Variants in SRSF6 observed in about 807,000 individuals in gnomAD.
SRSF6 encodes serine and arginine rich splicing factor 6, also known as serine/arginine-rich splicing factor 6.
A neutral mutation model predicts 42.0 loss-of-function variants in SRSF6; 17 were observed. The observed-to-expected ratio is 0.40, with a 90% CI of 0.28 to 0.61. The LOEUF is 0.61. Among genes scored for constraint, SRSF6 ranks in the 20% least tolerant of loss-of-function variants. The pLI, the probability that SRSF6 is intolerant of heterozygous loss-of-function variation, is 0.37. For missense variants in SRSF6, 379 were observed against 471.4 expected, an observed-to-expected ratio of 0.80 and a Z score of 1.81; for synonymous variants, 204 against 166.7, an observed-to-expected ratio of 1.22 and a Z score of -1.72.
At chr20:43,460,453 A>G (rs1199447683) in intron 4 of SRSF6, 62 bp from the exon 5 acceptor site, 1 of 1,557,024 alleles carries the variant, frequency 6.4e-7, no homozygotes, top group African/African-American at 1.4e-5. Flanking sequence ...TATTTTTGCC[A>G]GATGGCACGG....
chr20:43,458,994 A>T (rs986926704), intron 2 of SRSF6, among the ~76,000 whole-genome samples: 20 of 152,318 alleles, frequency 1.3e-4, no homozygotes, highest in African/African-American at 4.8e-4. Flanking sequence ...TGTACCACAA[A>T]GTAGATCTAA....
Position 43,461,820 on chromosome 20 carries a change from G to A in SRSF6, c.*757G>A, listed in dbSNP as rs1004562739. 2 of 152,538 alleles carry A rather than the reference G, an allele frequency of 1.3e-5. No individual in the cohort carries two copies. Among genetic ancestry groups the A allele is most frequent in the African/African-American group, 4.8e-5 (2 of 41,444 alleles). 9.4% of individuals were successfully genotyped at this position (152,538 alleles called of 1,614,324 possible). ...GCTTAAATTAATACTTTTAAGTAAT[G>A]GAACTTTTTTCAAAGGCAAATTTAA... is the stretch of plus-strand genomic sequence containing the variant. On this transcript the variant is annotated 3_prime_UTR_variant, in exon 6 of 6. Transcript: ENST00000244020.
At chr20:43,460,636 G>A (rs963674067) in intron 5 of SRSF6, 38 bp downstream of exon 5, 45 of 1,613,416 alleles carry the variant, frequency 2.8e-5, no homozygotes, top group South Asian at 5.5e-5. Flanking sequence ...GAATATTACC[G>A]TACTTGTTTA....
chr20:43,460,484 G>A (rs745974443), intron 4 of SRSF6, 31 bp from the exon 5 acceptor site: 2 of 1,608,238 alleles, frequency 1.2e-6, no homozygotes, highest in Non-Finnish European at 1.7e-6. Context: ...GTTGGATTGG[G>A]ATTAAGACTT....
rs1360375724 is a variant in SRSF6, at chr20:43,463,842, G to C, written c.*2779G>C. 1 of 152,232 alleles carries C rather than the reference G, an allele frequency of 6.6e-6. No individual in the cohort carries two copies. Among genetic ancestry groups the C allele is most frequent in the Non-Finnish European group, 1.5e-5 (1 of 68,052 alleles). The allele number at this position is 152,232 out of a possible 1,614,324, so 9.4% of individuals were successfully genotyped here. ...ACTAGGGATAAAACATGCATGGGAT[G>C]TGAAGATTAAAAGTCAAGAATATGA... is the stretch of plus-strand genomic sequence containing the variant. On this transcript the variant is annotated 3_prime_UTR_variant, in exon 6 of 6. Transcript: ENST00000244020.
Position 43,457,926 on chromosome 20 carries a change from G to C in SRSF6, c.-108G>C. 2 of 919,700 alleles carry C rather than the reference G, an allele frequency of 2.2e-6. No individual in the cohort carries two copies. Among genetic ancestry groups the C allele is most frequent in the South Asian group, 2.9e-5 (2 of 68,054 alleles). The allele number at this position is 919,700 out of a possible 1,614,324, so 57.0% of individuals were successfully genotyped here. On this transcript the variant is annotated 5_prime_UTR_variant, in exon 1 of 6. Transcript: ENST00000244020. ...GTGGCTGGACTCGGCCGCCCCTGTG[G>C]TGTGAGGCGCGTGTTCGGGCTCTTG...
intron 2 of SRSF6, among the ~76,000 whole-genome samples, chr20:43,458,747 G>GC (rs1288389077): frequency 2.0e-5 from 3 of 152,168 alleles, no homozygotes; most frequent in Non-Finnish European, 4.4e-5. Context: ...GCTTCTTCTG[G>GC]CCCCTTGTCA....
chr20:43,460,056 A>G lies in SRSF6; in HGVS notation c.405A>G (p.Glu135=). 6.2e-7 allele frequency: 1 copy of G among 1,614,266 alleles called. No homozygotes were observed. The highest frequency in any genetic ancestry group is 8.5e-7 in the Non-Finnish European group (1 of 1,180,054). The change falls in exon 4 of 6, where the codon GAA becomes GAG. Residue 135 remains glutamate (E), a synonymous_variant. Transcript: ENST00000244020. ...AGGATTTTATGCGACAAGCAGGTGA[A>G]GTAACCTATGCGGATGCCCACAAGG... ...DLKDFMRQAG[E]VTYADAHKER...
At position 43,462,003 on chromosome 20, in the gene SRSF6, TTC is replaced by T. The variant is rs2017609373; in HGVS notation, c.*941_*942del. 6.6e-6 allele frequency: 1 copy of T among 152,228 alleles called. No individual in the cohort carries two copies. Among genetic ancestry groups the T allele is most frequent in the Non-Finnish European group, 1.5e-5 (1 of 68,032 alleles). 9.4% of individuals were successfully genotyped at this position (152,228 alleles called of 1,614,324 possible). A position where few individuals can be genotyped will look rare whatever the true frequency, so the allele number is the denominator to read the frequency against. On this transcript the variant is annotated 3_prime_UTR_variant, in exon 6 of 6. Coordinates refer to ENST00000244020, the MANE Select transcript of SRSF6 (RefSeq NM_006275.6). ...TCTTTTTGTTCTGAAATTGAGTTTA[TTC>T]AAAGTGTAAAAGCACATACTGCATT...
rs57110045 is a variant in SRSF6 at position 43,461,337 on chromosome 20, G to GTTTTTTTTTTTTTTTTT, written c.*295_*311dup. ...GTAAAGATTAAGCTCATTTAGTGTTGTTTTTTTTTTTTTTTTTTTTTTTTT... is the reference window on the plus strand; with the variant it reads ...GTAAAGATTAAGCTCATTTAGTGTTGTTTTTTTTTTTTTTTTTTTTTTTTTTTTTTTTTTTTTTTTTT... On this transcript the variant is annotated 3_prime_UTR_variant, in exon 6 of 6. Transcript: ENST00000244020. 2.1e-3 allele frequency: 91 copies of GTTTTTTTTTTTTTTTTT among 43,824 alleles called. 13 individuals are homozygous for GTTTTTTTTTTTTTTTTT. The highest frequency in any genetic ancestry group is 4.2e-3 in the African/African-American group (51 of 12,236). 2.7% of individuals were successfully genotyped at this position (43,824 alleles called of 1,614,324 possible).
At position 43,462,812 on chromosome 20, in the gene SRSF6, T is replaced by C. The variant is rs532672292; in HGVS notation, c.*1749T>C. 1.3e-5 allele frequency: 2 copies of C among 152,728 alleles called. No individual in the cohort carries two copies. Among genetic ancestry groups the C allele is most frequent in the South Asian group, 4.1e-4 (2 of 4,830 alleles). 9.5% of individuals were successfully genotyped at this position (152,728 alleles called of 1,614,324 possible). A position where few individuals can be genotyped will look rare whatever the true frequency, so the allele number is the denominator to read the frequency against. Reference sequence around the variant, plus strand: ...TCTTCCATTATCTTATTTTCTTTGATACTTTATTTAATTAGATGTTTATAA... The same window carrying C: ...TCTTCCATTATCTTATTTTCTTTGACACTTTATTTAATTAGATGTTTATAA... On this transcript the variant is annotated 3_prime_UTR_variant, in exon 6 of 6. Coordinates refer to ENST00000244020, the MANE Select transcript of SRSF6 (RefSeq NM_006275.6).
At position 43,463,793 on chromosome 20, in the gene SRSF6, CTG is replaced by C. The variant is rs1413967114; in HGVS notation, c.*2733_*2734del. On this transcript the variant is annotated 3_prime_UTR_variant, in exon 6 of 6. Transcript: ENST00000244020. The stretch of plus-strand genomic sequence containing the variant: ...TTTATGTTGGGCAACTCATTAATCA[CTG>C]TGCTTCAGTGTCATCCATGAAACTA... 9 of 152,206 alleles carry C rather than the reference CTG, an allele frequency of 5.9e-5. No individual in the cohort carries two copies. Among genetic ancestry groups the C allele is most frequent in the Admixed American group, 3.3e-4 (5 of 15,278 alleles). 9.4% of individuals were successfully genotyped at this position (152,206 alleles called of 1,614,324 possible).
At position 43,459,559 on chromosome 20, in the gene SRSF6, A is replaced by G. The variant is rs576155715; in HGVS notation, c.257-212A>G. The G allele has an allele frequency of 2.0e-5, 26 of 1,301,900 alleles. No homozygotes were observed. The South Asian group carries it at 4.0e-4, about 20-fold the overall frequency. The allele number at this position is 1,301,900 out of a possible 1,614,324, so 80.6% of individuals were successfully genotyped here. On this transcript the variant is annotated intron_variant, in intron 2 of 5. Coordinates refer to ENST00000244020, the MANE Select transcript of SRSF6 (RefSeq NM_006275.6). Reference sequence around the variant, plus strand: ...CGAATAAAGGAGCAGTCACTCTCTAACAGATTGTAGGAGAGGTTTAGTTGG... The same window carrying G: ...CGAATAAAGGAGCAGTCACTCTCTAGCAGATTGTAGGAGAGGTTTAGTTGG...
Position 43,460,560 on chromosome 20 carries a change from C to T in SRSF6, c.636C>T (p.Ser212=), listed in dbSNP as rs1328857035. ...CACGAAGTAGGAGTCGCAGGAGCAG[C>T]CGCAGTAGATCTCGAAGTATCTCAA... is the stretch of plus-strand genomic sequence containing the variant. The part of the protein sequence containing the change: ...RRSRSRSRRS[S]RSRSRSISKS... Residue 212 remains serine (S), a synonymous_variant, in exon 5 of 6, where the codon AGC becomes AGT. Coordinates refer to ENST00000244020, the MANE Select transcript of SRSF6 (RefSeq NM_006275.6). 4 of 1,614,162 alleles carry T rather than the reference C, an allele frequency of 2.5e-6. No individual in the cohort carries two copies. Among genetic ancestry groups the T allele is most frequent in the Non-Finnish European group, 2.5e-6 (3 of 1,180,036 alleles).
chr20:43,458,578 T>G, intron 2 of SRSF6, 69 bp downstream of exon 2: 1 of 1,386,470 alleles, frequency 7.2e-7, no homozygotes. Flanking sequence ...GGGTGGGGCC[T>G]CCCAGCCCGG....
In SRSF6 at chr20:43,461,337, G is replaced by GTTTTGTTTTTTTTTTTTTTTTTTTT. The variant is rs2017589627; in HGVS notation, c.*278_*279insGTTTTTTTTTTTTTTTTTTTTTTTT. 2.3e-5 allele frequency: 1 copy of GTTTTGTTTTTTTTTTTTTTTTTTTT among 43,768 alleles called. No homozygotes were observed. Among genetic ancestry groups the GTTTTGTTTTTTTTTTTTTTTTTTTT allele is most frequent in the African/African-American group, 8.2e-5 (1 of 12,192 alleles). 2.7% of individuals were successfully genotyped at this position (43,768 alleles called of 1,614,324 possible). The stretch of plus-strand genomic sequence containing the variant: ...GTAAAGATTAAGCTCATTTAGTGTT[G>GTTTTGTTTTTTTTTTTTTTTTTTTT]TTTTTTTTTTTTTTTTTTTTTTTTT... On this transcript the variant is annotated 3_prime_UTR_variant, in exon 6 of 6. Coordinates refer to ENST00000244020, the MANE Select transcript of SRSF6 (RefSeq NM_006275.6).
At chr20:43,458,652 G>T in intron 2 of SRSF6, 143 bp downstream of exon 2, 1 of 862,840 alleles carries the variant, frequency 1.2e-6, no homozygotes, top group Non-Finnish European at 1.6e-6. Flanking sequence ...CTTCACGTCT[G>T]CCCGGGGCAG....
In SRSF6 at chr20:43,461,337, G is replaced by GTTTGTTTTTTTT. The variant is rs2017589449; in HGVS notation, c.*277_*278insGTTTTTTTTTTT. ...GTAAAGATTAAGCTCATTTAGTGTT[G>GTTTGTTTTTTTT]TTTTTTTTTTTTTTTTTTTTTTTTT... On this transcript the variant is annotated 3_prime_UTR_variant, in exon 6 of 6. Coordinates refer to ENST00000244020, the MANE Select transcript of SRSF6 (RefSeq NM_006275.6). The GTTTGTTTTTTTT allele has an allele frequency of 4.6e-5, 2 of 43,830 alleles. No individual in the cohort carries two copies. Among genetic ancestry groups the GTTTGTTTTTTTT allele is most frequent in the African/African-American group, 8.2e-5 (1 of 12,240 alleles). 2.7% of individuals were successfully genotyped at this position (43,830 alleles called of 1,614,324 possible).
At chr20:43,459,462 G>A in intron 2 of SRSF6, 1 of 1,254,462 alleles carries the variant, frequency 8.0e-7, no homozygotes, top group Non-Finnish European at 1.0e-6. Flanking sequence ...TTTGTAAAAT[G>A]TAGAAATGCA....
Sources: allele counts gnomAD v4.1 joint callset (sites outside exome capture counted in the v4.1 genomes callset), GRCh38; gene constraint gnomAD v4.1.1; transcripts MANE v1.5; gene names NCBI Gene and HGNC (gene_info 2026-07-23, HGNC 2026-07-21).